GPR141: variants seen among roughly 807,000 people sequenced by gnomAD.
The protein encoded by GPR141 is probable G protein-coupled receptor 141.
Under a neutral mutation model 6.8 loss-of-function variants are expected in GPR141, and 6 were observed. That is an observed-to-expected ratio of 0.88 (90% confidence interval 0.48 to 1.74). GPR141 has a LOEUF of 1.74. Among genes scored for constraint, GPR141 ranks in the 40% most tolerant of loss-of-function variants. The pLI is 0.01. For synonymous variants in GPR141, 140 were observed against 142.3 expected (o/e 0.98, Z 0.11); for missense variants, 372 against 372.9 (o/e 1.00, Z 0.02).
At chr7:37,714,365 C>G (rs1383139782) in intron 2 of GPR141, among the ~76,000 whole-genome samples, 1 of 152,090 alleles carries the variant, frequency 6.6e-6, no homozygotes, top group African/African-American at 2.4e-5. Context: ...GAACTTGGAC[C>G]TAAAGAACTA....
At chr7:37,694,633 A>G (rs757245873) in intron 2 of GPR141, among the ~76,000 whole-genome samples, 2 of 152,256 alleles carry the variant, frequency 1.3e-5, no homozygotes, top group African/African-American at 4.8e-5. Flanking sequence ...AGCCTGTACA[A>G]GAAACATGGC....
intron 2 of GPR141, among the ~76,000 whole-genome samples, chr7:37,709,378 A>T (rs949303530): frequency 2.0e-5 from 3 of 152,226 alleles, no homozygotes; most frequent in Non-Finnish European, 4.4e-5. Context: ...ATAGTAGATT[A>T]TGTGAGTGGA....
chr7:37,728,862 C>T (rs890375339), intron 2 of GPR141, among the ~76,000 whole-genome samples: 1 of 152,148 alleles, frequency 6.6e-6, no homozygotes, highest in African/African-American at 2.4e-5. Flanking sequence ...AAGGCCTGGC[C>T]TGGTATGTCA....
intron 2 of GPR141, among the ~76,000 whole-genome samples, chr7:37,726,866 T>C (rs1364902646): frequency 6.6e-6 from 1 of 152,198 alleles, no homozygotes; most frequent in African/African-American, 2.4e-5. Context: ...GGACTCTATG[T>C]GGACTAATAT....
Position 37,741,089 on chromosome 7 carries a change from G to A in GPR141, c.696G>A (p.Gly232=), listed in dbSNP as rs1206080867. Residue 232 remains glycine, a synonymous_variant, in exon 3 of 3, where the codon GGG becomes GGA. Transcript: ENST00000334425. ...WAQLKNLFFI[G]VILVCFLPYQ... is the part of the protein sequence containing the mutation. ...AGCTGAAAAACCTATTTTTTATAGG[G>A]GTCATCCTTGTTTGTTTCCTTCCCT... 1 of 1,613,734 alleles carries A rather than the reference G, an allele frequency of 6.2e-7. No individual in the cohort carries two copies. Among genetic ancestry groups the A allele is most frequent in the Middle Eastern group, 1.7e-4 (1 of 6,060 alleles).
chr7:37,737,228 C>G (rs973875133), intron 2 of GPR141, among the ~76,000 whole-genome samples: 3 of 152,130 alleles, frequency 2.0e-5, no homozygotes, highest in Non-Finnish European at 4.4e-5. Flanking sequence ...GAATATATCA[C>G]TTTTATTATA....
chr7:37,727,701 T>G (rs921004262), intron 2 of GPR141, among the ~76,000 whole-genome samples: 2 of 152,210 alleles, frequency 1.3e-5, no homozygotes, highest in Admixed American at 1.3e-4. Context: ...AATTTTTGTT[T>G]AATTTGGGGG....
rs375768508 is a variant in GPR141 at position 37,686,588 on chromosome 7, A to G, written c.-15+1005A>G. 2.0e-5 allele frequency among the ~76,000 whole-genome samples: 3 copies of G among 151,666 alleles called. No homozygotes were observed. In the East Asian group the frequency reaches 5.8e-4, roughly 29 times the overall value. ...TTTAGAACAGGGTTTGACCCATAAT[A>G]AGTACCCAGCATCTTTGGAATGGTT... On this transcript the variant is annotated intron_variant, in intron 2 of 2. Coordinates refer to ENST00000334425, the MANE Select transcript of GPR141 (RefSeq NM_001381946.1).
intron 2 of GPR141, among the ~76,000 whole-genome samples, chr7:37,708,813 T>A (rs577089533): frequency 6.6e-6 from 1 of 152,178 alleles, no homozygotes; most frequent in Non-Finnish European, 1.5e-5. Flanking sequence ...TTTTACAACA[T>A]TTCATAGATT....
In GPR141 at chr7:37,740,739, A is replaced by G. The variant is rs1812504153; in HGVS notation, c.346A>G (p.Ile116Val). 6.2e-7 allele frequency: 1 copy of G among 1,613,984 alleles called. No individual in the cohort carries two copies. Among genetic ancestry groups the G allele is most frequent in the South Asian group, 1.1e-5 (1 of 91,084 alleles). Residue 116 changes from isoleucine (I) to valine (V), a missense_variant, in exon 3 of 3, where the codon ATC becomes GTC. Physicochemically the swap from Ile to Val is conservative, Grantham distance 29 (BLOSUM62 3). Transcript: ENST00000334425. Reference sequence around the variant, plus strand: ...GGTGATCCTGGTCACCAGATACCTCATCTTCTTCAAGTGCAAAGACAAAGT... The same window carrying G: ...GGTGATCCTGGTCACCAGATACCTCGTCTTCTTCAAGTGCAAAGACAAAGT... ...YVVILVTRYL[I>V]FFKCKDKVEF...
At chr7:37,705,383 G>C (rs1325138055) in intron 2 of GPR141, among the ~76,000 whole-genome samples, 1 of 152,122 alleles carries the variant, frequency 6.6e-6, no homozygotes, top group Non-Finnish European at 1.5e-5. Context: ...AATACATCTA[G>C]AGAATGTATT....
chr7:37,730,210 C>G (rs978071165), intron 2 of GPR141, among the ~76,000 whole-genome samples: 1 of 152,122 alleles, frequency 6.6e-6, no homozygotes, highest in Admixed American at 6.6e-5. Context: ...ATCTCTCGCT[C>G]TCTTTCATGA....
chr7:37,719,918 G>A (rs931022414), intron 2 of GPR141, among the ~76,000 whole-genome samples: 7 of 152,160 alleles, frequency 4.6e-5, no homozygotes, highest in Admixed American at 4.6e-4. Context: ...AGGCAAGGAT[G>A]GGGGAGCCAG....
At chr7:37,739,597 C>A (rs974622800) in intron 2 of GPR141, among the ~76,000 whole-genome samples, 21 of 152,206 alleles carry the variant, frequency 1.4e-4, no homozygotes, top group African/African-American at 5.1e-4. Context: ...TTACAGCAAG[C>A]AATGAATAAG....
intron 2 of GPR141, among the ~76,000 whole-genome samples, chr7:37,726,632 T>C (rs565479017): frequency 6.6e-6 from 1 of 152,374 alleles, no homozygotes; most frequent in South Asian, 2.1e-4. Context: ...ATCCATATTG[T>C]AATTTTTTGG....
At chr7:37,708,505 G>A (rs1170092745) in intron 2 of GPR141, among the ~76,000 whole-genome samples, 1 of 152,086 alleles carries the variant, frequency 6.6e-6, no homozygotes, top group Admixed American at 6.6e-5. Flanking sequence ...AGCTAAAGCT[G>A]ACCTTATAAG....
At chr7:37,700,774 A>G (rs1295355376) in intron 2 of GPR141, among the ~76,000 whole-genome samples, 1 of 152,222 alleles carries the variant, frequency 6.6e-6, no homozygotes, top group African/African-American at 2.4e-5. Flanking sequence ...ATGGATAAAT[A>G]TGGAAGATAT....
intron 2 of GPR141, among the ~76,000 whole-genome samples, chr7:37,695,324 A>G (rs1029520051): frequency 3.3e-5 from 5 of 152,138 alleles, no homozygotes; most frequent in Non-Finnish European, 5.9e-5. Flanking sequence ...ATGGCATAAC[A>G]CAGTAGCCAT....
rs973884834 is a variant in GPR141, at chr7:37,730,878, T to G, written c.-14-9502T>G. Among the ~76,000 whole-genome samples, 5 of 152,276 alleles carry G rather than the reference T, an allele frequency of 3.3e-5. No homozygotes were observed. The East Asian group carries it at 7.7e-4, about 23-fold the overall frequency. ...CTCAATTTTTTAGCAATGAAGACAT[T>G]TCCTTTCAAGGTTGTTAAGCTTTGA... On this transcript the variant is annotated intron_variant, in intron 2 of 2. Coordinates refer to ENST00000334425, the MANE Select transcript of GPR141 (RefSeq NM_001381946.1).
Sources: gnomAD v4.1 joint callset for allele counts (sites outside exome capture counted in the v4.1 genomes callset) on GRCh38, gnomAD v4.1.1 for gene constraint, MANE v1.5 for transcripts, NCBI Gene and HGNC (gene_info 2026-07-23, HGNC 2026-07-21) for gene names.